PDE4D: variants seen among roughly 807,000 people sequenced by gnomAD.
PDE4D encodes phosphodiesterase 4D, also known as 3',5'-cyclic-AMP phosphodiesterase 4D.
PDE4D carries 24 observed loss-of-function variants against 87.4 expected under a neutral mutation model. That is an observed-to-expected ratio of 0.27 (90% CI 0.20 to 0.39). The LOEUF (loss-of-function observed/expected upper bound fraction) is 0.39, where lower values mean the gene tolerates loss of function less well. Ranked by LOEUF, PDE4D falls within the 10% of genes least tolerant of loss-of-function variation. The pLI, the probability that PDE4D is intolerant of heterozygous loss-of-function variation, is 1.00. For synonymous variants in PDE4D, 384 were observed against 383.2 expected, an observed-to-expected ratio of 1.00 and a Z score of -0.02; for missense variants, 714 against 1,041.0, an observed-to-expected ratio of 0.69 and a Z score of 4.32.
At chr5:60,429,853 T>G (rs541598009) in intron 1 of PDE4D, 300 of 344,204 alleles carry the variant, frequency 8.7e-4, no homozygotes, top group African/African-American at 2.2e-3. Context: ...TTTTTGTTTT[T>G]TTTTTTAAAC....
intron 1 of PDE4D, among the ~76,000 whole-genome samples, chr5:59,626,629 A>G (rs562785543): frequency 1.1e-4 from 17 of 152,338 alleles, no homozygotes; most frequent in Non-Finnish European, 2.2e-4. Context: ...AAAATAGAAG[A>G]CATTAATATT....
chr5:59,736,465 G>A (rs1243526475), intron 1 of PDE4D, among the ~76,000 whole-genome samples: 1 of 152,056 alleles, frequency 6.6e-6, no homozygotes, highest in Non-Finnish European at 1.5e-5. Flanking sequence ...GATCACCTGA[G>A]GTCAGGAGTT....
At chr5:60,379,251 T>C (rs1271912000) in intron 1 of PDE4D, among the ~76,000 whole-genome samples, 4 of 152,118 alleles carry the variant, frequency 2.6e-5, no homozygotes, top group Admixed American at 2.0e-4. Flanking sequence ...ATTTGCTGCA[T>C]TGCCAGGGAC....
chr5:59,904,272 C>T (rs1479237954), intron 3 of PDE4D, among the ~76,000 whole-genome samples: 3 of 151,744 alleles, frequency 2.0e-5, no homozygotes, highest in Non-Finnish European at 4.4e-5. Flanking sequence ...TTTCTTTCTC[C>T]CCGACTCCTC....
intron 1 of PDE4D, among the ~76,000 whole-genome samples, chr5:59,373,232 T>A (rs187851184): frequency 1.3e-5 from 2 of 152,136 alleles, no homozygotes; most frequent in Non-Finnish European, 2.9e-5. Context: ...ATGAAGATCA[T>A]TGAAGTACAG....
intron 2 of PDE4D, among the ~76,000 whole-genome samples, chr5:60,070,871 T>C (rs1772639776): frequency 6.6e-6 from 1 of 152,094 alleles, no homozygotes; most frequent in African/African-American, 2.4e-5. Flanking sequence ...GTTATAGGTC[T>C]GTTCGGACTT....
chr5:59,761,140 T>C (rs955379098), intron 1 of PDE4D, among the ~76,000 whole-genome samples: 1 of 152,178 alleles, frequency 6.6e-6, no homozygotes, highest in South Asian at 2.1e-4. Context: ...TGGTTAAGTA[T>C]TTGTATATCT....
At chr5:59,245,680 A>G (rs1581583045) in intron 1 of PDE4D, among the ~76,000 whole-genome samples, 1 of 152,126 alleles carries the variant, frequency 6.6e-6, no homozygotes, top group Non-Finnish European at 1.5e-5. Flanking sequence ...TAACCTTGAT[A>G]CTTGGCCTCA....
chr5:60,072,718 T>C (rs970110482), intron 2 of PDE4D, among the ~76,000 whole-genome samples: 19 of 152,276 alleles, frequency 1.2e-4, no homozygotes, highest in African/African-American at 4.1e-4. Context: ...TTCAATCTCC[T>C]GCATATCGCT....
intron 2 of PDE4D, among the ~76,000 whole-genome samples, chr5:59,989,087 C>CATATATAT (rs541522751): frequency 0.067 from 6,455 of 96,510 alleles, 143 homozygotes; most frequent in Non-Finnish European, 0.079. Flanking sequence ...ATGCATGTGT[C>CATATATAT]ATATATATAT....
chr5:59,431,995 T>C (rs1454289508), intron 1 of PDE4D, among the ~76,000 whole-genome samples: 1 of 152,110 alleles, frequency 6.6e-6, no homozygotes, highest in East Asian at 1.9e-4. Flanking sequence ...TTACCATTTC[T>C]ATTCAATAAT....
At chr5:60,290,201 T>C (rs1752770798) in intron 1 of PDE4D, among the ~76,000 whole-genome samples, 1 of 151,888 alleles carries the variant, frequency 6.6e-6, no homozygotes, top group Middle Eastern at 3.4e-3. Flanking sequence ...TGAGAAGAGG[T>C]GAAATTAGAA....
At chr5:60,472,134 C>T (rs1747861207) in intron 1 of PDE4D, among the ~76,000 whole-genome samples, 1 of 152,094 alleles carries the variant, frequency 6.6e-6, no homozygotes, top group Admixed American at 6.6e-5. Flanking sequence ...ATTGATTCAG[C>T]AAACACATAC....
At chr5:59,317,494 A>C (rs1010691060) in intron 1 of PDE4D, among the ~76,000 whole-genome samples, 5 of 152,138 alleles carry the variant, frequency 3.3e-5, no homozygotes, top group Admixed American at 2.6e-4. Flanking sequence ...ATCCCACTTT[A>C]CATCTCTGCA....
chr5:60,199,796 A>G (rs936455064), intron 1 of PDE4D, among the ~76,000 whole-genome samples: 3 of 151,788 alleles, frequency 2.0e-5, no homozygotes, highest in Admixed American at 6.6e-5. Flanking sequence ...AGATGATGTC[A>G]CAACATATCA....
At chr5:59,069,737 CT>C (rs1337101591) in intron 5 of PDE4D, among the ~76,000 whole-genome samples, 1 of 150,448 alleles carries the variant, frequency 6.6e-6, no homozygotes, top group Non-Finnish European at 1.5e-5. Context: ...CAACAAATAA[CT>C]TTTCTTGTTA....
chr5:59,660,443 C>A (rs1745054766), intron 1 of PDE4D, among the ~76,000 whole-genome samples: 1 of 152,078 alleles, frequency 6.6e-6, no homozygotes, highest in East Asian at 1.9e-4. Context: ...AAACAAATGT[C>A]CATGAGGCTT....
At chr5:59,928,409 C>G (rs1412515054) in intron 3 of PDE4D, among the ~76,000 whole-genome samples, 2 of 147,448 alleles carry the variant, frequency 1.4e-5, no homozygotes, top group Non-Finnish European at 3.0e-5. Context: ...GAGACACCGT[C>G]TCTACCGAAA....
chr5:59,093,997 A>G (rs1285464008), intron 5 of PDE4D, among the ~76,000 whole-genome samples: 1 of 152,020 alleles, frequency 6.6e-6, no homozygotes, highest in Admixed American at 6.6e-5. Flanking sequence ...AGGTGGGCGG[A>G]TCATGAGGTC....
Sources: allele counts gnomAD v4.1 joint callset (sites outside exome capture counted in the v4.1 genomes callset), GRCh38; gene constraint gnomAD v4.1.1; transcripts MANE v1.5; gene names NCBI Gene and HGNC (gene_info 2026-07-23, HGNC 2026-07-21).